TAOK3: variants seen among roughly 807,000 people sequenced by gnomAD.
TAOK3 encodes the protein TAO kinase 3.
A neutral mutation model predicts 120.4 loss-of-function variants in TAOK3; 40 were observed. The observed-to-expected ratio is 0.33, with a 90% CI of 0.26 to 0.43. TAOK3 has a LOEUF of 0.43. Ranked by LOEUF, TAOK3 falls within the 20% of genes least tolerant of loss-of-function variation. The pLI is 1.00. For synonymous variants in TAOK3, 355 were observed against 387.5 expected (o/e 0.92, Z 0.99); for missense variants, 821 against 1,112.1 (o/e 0.74, Z 3.72).
intron 1 of TAOK3, among the ~76,000 whole-genome samples, chr12:118,270,580 T>C (rs1039399137): frequency 1.3e-5 from 2 of 152,124 alleles, no homozygotes; most frequent in East Asian, 3.8e-4. Context: ...ATACTTTGTA[T>C]TTCACTTCTC....
At chr12:118,267,185 C>A (rs1012027071) in intron 1 of TAOK3, among the ~76,000 whole-genome samples, 12 of 152,232 alleles carry the variant, frequency 7.9e-5, no homozygotes, top group Middle Eastern at 3.4e-3. Flanking sequence ...CTCCTATAAC[C>A]AATCTTCCAC....
intron 1 of TAOK3, among the ~76,000 whole-genome samples, chr12:118,285,414 G>A (rs1448421055): frequency 4.6e-5 from 7 of 151,346 alleles, no homozygotes; most frequent in East Asian, 3.9e-4. Flanking sequence ...GTGCAATGGC[G>A]TGATCTCAGC....
chr12:118,248,701 G>A (rs1390727180), intron 3 of TAOK3, among the ~76,000 whole-genome samples: 2 of 151,870 alleles, frequency 1.3e-5, no homozygotes, highest in Non-Finnish European at 2.9e-5. Context: ...GCTTATTAAG[G>A]TTATTTATAA....
chr12:118,352,576 A>C (rs2045222185), intron 1 of TAOK3, among the ~76,000 whole-genome samples: 1 of 152,170 alleles, frequency 6.6e-6, no homozygotes, highest in South Asian at 2.1e-4. Context: ...AAAAGCAAAC[A>C]TATCAATCTG....
intron 1 of TAOK3, among the ~76,000 whole-genome samples, chr12:118,337,646 A>G (rs1310369856): frequency 6.6e-6 from 1 of 152,216 alleles, no homozygotes; most frequent in Non-Finnish European, 1.5e-5. Flanking sequence ...ACTGGGTGGG[A>G]AAAAAATCCA....
chr12:118,192,614 A>G (rs2037491450), intron 13 of TAOK3, among the ~76,000 whole-genome samples: 2 of 152,348 alleles, frequency 1.3e-5, no homozygotes, highest in African/African-American at 4.8e-5. Context: ...CAGCTTATGA[A>G]GCTATTTAAA....
intron 1 of TAOK3, among the ~76,000 whole-genome samples, chr12:118,280,341 G>A (rs2042056881): frequency 6.6e-6 from 1 of 152,210 alleles, no homozygotes; most frequent in African/African-American, 2.4e-5. Flanking sequence ...GATTACAGGT[G>A]TGAACCACTG....
At chr12:118,304,792 T>C (rs1440513982) in intron 1 of TAOK3, among the ~76,000 whole-genome samples, 3 of 152,240 alleles carry the variant, frequency 2.0e-5, no homozygotes, top group Non-Finnish European at 4.4e-5. Context: ...CTTATAGGGA[T>C]GCCAATAATT....
intron 2 of TAOK3, among the ~76,000 whole-genome samples, chr12:118,259,965 T>C (rs2041154632): frequency 6.6e-6 from 1 of 152,018 alleles, no homozygotes; most frequent in African/African-American, 2.4e-5. Context: ...CAAACTATAG[T>C]ACCTATAGCT....
intron 13 of TAOK3, chr12:118,190,539 A>G (rs1297115070): frequency 6.6e-6 from 1 of 152,208 alleles, no homozygotes; most frequent in African/African-American, 2.4e-5. Context: ...CAGTTCTAGC[A>G]CCTTCTCTCT....
chr12:118,285,405 T>C (rs2042232891), intron 1 of TAOK3, among the ~76,000 whole-genome samples: 1 of 151,150 alleles, frequency 6.6e-6, no homozygotes, highest in Non-Finnish European at 1.5e-5. Flanking sequence ...CAGGCTGGAG[T>C]GCAATGGCGT....
rs1043932418 is a variant in TAOK3, at chr12:118,372,859, G to C, written c.-405C>G. The C allele has an allele frequency of 2.0e-5, 3 of 153,256 alleles. No homozygotes were observed. Among genetic ancestry groups the C allele is most frequent in the Non-Finnish European group, 2.9e-5 (2 of 69,722 alleles). 9.5% of individuals were successfully genotyped at this position (153,256 alleles called of 1,614,324 possible). A position where few individuals can be genotyped will look rare whatever the true frequency, so the allele number is the denominator to read the frequency against. ...AGGACCCCGCCGCCCGGCGCCACAA[G>C]GACCCTCCCGCGGCCGCCGCCGCTG... On this transcript the variant is annotated 5_prime_UTR_variant, in exon 1 of 21. Coordinates refer to ENST00000392533, the MANE Select transcript of TAOK3 (RefSeq NM_016281.4). This position sits in a 1 kb window ranked among gnomAD's most constrained non-coding sequence, Gnocchi z 4.6.
At chr12:118,330,085 A>G (rs2044081550) in intron 1 of TAOK3, among the ~76,000 whole-genome samples, 1 of 152,228 alleles carries the variant, frequency 6.6e-6, no homozygotes, top group Non-Finnish European at 1.5e-5. Context: ...CTAGAAAATA[A>G]TGACAGAAGT....
intron 9 of TAOK3, among the ~76,000 whole-genome samples, chr12:118,228,485 A>C (rs1242660269): frequency 6.6e-6 from 1 of 152,116 alleles, no homozygotes; most frequent in Non-Finnish European, 1.5e-5. Context: ...ATATAAAAGA[A>C]CTTATAAAAT....
chr12:118,161,574 A>G lies in TAOK3; in HGVS notation c.2139+214T>C, dbSNP rs2035220361. ...TGGATATGATGACAAATTGATAGAT[A>G]ATGTAGTATAATAATAGTTTCCAAA... On this transcript the variant is annotated intron_variant, in intron 18 of 20. Coordinates refer to ENST00000392533, the MANE Select transcript of TAOK3 (RefSeq NM_016281.4). The surrounding 1 kb of genome is among the most constrained non-coding windows in gnomAD (Gnocchi z 4.5). Among the ~76,000 whole-genome samples the G allele has an allele frequency of 6.6e-6, 1 of 152,232 alleles. No homozygotes were observed. Among genetic ancestry groups the G allele is most frequent in the Non-Finnish European group, 1.5e-5 (1 of 68,036 alleles).
intron 1 of TAOK3, among the ~76,000 whole-genome samples, chr12:118,303,981 TAAC>T (rs1434297249): frequency 6.6e-6 from 1 of 152,160 alleles, no homozygotes; most frequent in African/African-American, 2.4e-5. Context: ...AAAGTTCAGG[TAAC>T]TTCTCTCTTT....
intron 13 of TAOK3, among the ~76,000 whole-genome samples, chr12:118,196,849 C>G (rs578256484): frequency 1.2e-4 from 19 of 152,140 alleles, no homozygotes; most frequent in Non-Finnish European, 2.1e-4. Context: ...TATGCTGCGC[C>G]AGGCACTATT....
chr12:118,355,866 A>T (rs2045368267), intron 1 of TAOK3, among the ~76,000 whole-genome samples: 1 of 152,204 alleles, frequency 6.6e-6, no homozygotes, highest in Non-Finnish European at 1.5e-5. Context: ...TAATTATATC[A>T]ATTTTACAGA....
At chr12:118,245,190 G>A (rs1187847047) in intron 3 of TAOK3, among the ~76,000 whole-genome samples, 1 of 151,956 alleles carries the variant, frequency 6.6e-6, no homozygotes, top group Non-Finnish European at 1.5e-5. Flanking sequence ...GCACCACCAT[G>A]CCACGCTAAT....
Sources: allele counts gnomAD v4.1 joint callset (sites outside exome capture counted in the v4.1 genomes callset), GRCh38; gene constraint gnomAD v4.1.1; non-coding constraint Gnocchi (gnomAD v3.1); transcripts MANE v1.5; gene names NCBI Gene and HGNC (gene_info 2026-07-23, HGNC 2026-07-21).